Variants in PIK3AP1 observed in about 807,000 individuals in gnomAD.
The protein encoded by PIK3AP1 is phosphoinositide-3-kinase adaptor protein 1.
Under a neutral mutation model 88.1 loss-of-function variants are expected in PIK3AP1, and 21 were observed. The observed-to-expected ratio is 0.24, with a 90% CI of 0.17 to 0.34. The LOEUF is 0.34. PIK3AP1 is among the 10% of genes least tolerant of loss of function. PIK3AP1 has a pLI of 1.00. For missense variants in PIK3AP1, 828 were observed against 1,035.7 expected, an observed-to-expected ratio of 0.80 and a Z score of 2.75; for synonymous variants, 398 against 400.0, an observed-to-expected ratio of 1.00 and a Z score of 0.06.
At chr10:96,638,802 T>C (rs1043727880) in intron 8 of PIK3AP1, among the ~76,000 whole-genome samples, 3 of 152,246 alleles carry the variant, frequency 2.0e-5, no homozygotes, top group African/African-American at 7.2e-5. Flanking sequence ...TTTGTGGTTA[T>C]ATATTCAGTT....
At chr10:96,710,742 G>A (rs1844428412) in intron 1 of PIK3AP1, among the ~76,000 whole-genome samples, 2 of 152,174 alleles carry the variant, frequency 1.3e-5, no homozygotes, top group African/African-American at 4.8e-5. Context: ...TTAGAAGGTA[G>A]GTACTATTAT....
intron 1 of PIK3AP1, among the ~76,000 whole-genome samples, chr10:96,715,564 T>G (rs1207708351): frequency 6.6e-6 from 1 of 152,194 alleles, no homozygotes; most frequent in African/African-American, 2.4e-5. Flanking sequence ...TTTCTGGAAA[T>G]CTAAAATTGT....
At chr10:96,694,936 C>T (rs1844201608) in intron 2 of PIK3AP1, among the ~76,000 whole-genome samples, 1 of 152,156 alleles carries the variant, frequency 6.6e-6, no homozygotes, top group Non-Finnish European at 1.5e-5. Flanking sequence ...GTTTTAATCA[C>T]ATGCATGCCC....
intron 8 of PIK3AP1, among the ~76,000 whole-genome samples, chr10:96,639,706 C>T (rs1437983964): frequency 6.6e-6 from 1 of 152,192 alleles, no homozygotes; most frequent in African/African-American, 2.4e-5. Flanking sequence ...GGCCCACGGG[C>T]CTTGAAGCAT....
At chr10:96,610,916 A>G (rs575601592) in intron 13 of PIK3AP1, among the ~76,000 whole-genome samples, 1 of 152,284 alleles carries the variant, frequency 6.6e-6, no homozygotes, top group South Asian at 2.1e-4. Flanking sequence ...AGCGGTGGCT[A>G]TACAAACTTG....
chr10:96,628,926 A>C (rs1362473141), intron 8 of PIK3AP1, among the ~76,000 whole-genome samples: 1 of 133,870 alleles, frequency 7.5e-6, no homozygotes, highest in African/African-American at 2.8e-5. Context: ...ATATATATAT[A>C]TATGGCAAGG....
intron 2 of PIK3AP1, among the ~76,000 whole-genome samples, chr10:96,701,347 C>T (rs1474421577): frequency 6.6e-6 from 1 of 152,154 alleles, no homozygotes; most frequent in African/African-American, 2.4e-5. Context: ...CAAGTGTAAG[C>T]TTTCTAGGCC....
intron 14 of PIK3AP1, among the ~76,000 whole-genome samples, chr10:96,604,536 T>C (rs1372312404): frequency 6.6e-6 from 1 of 152,072 alleles, no homozygotes; most frequent in Non-Finnish European, 1.5e-5. Context: ...TCTTTCAGCA[T>C]GAAACAAAAT....
At chr10:96,688,074 C>T (rs1348619637) in intron 2 of PIK3AP1, among the ~76,000 whole-genome samples, 3 of 152,146 alleles carry the variant, frequency 2.0e-5, no homozygotes, top group Non-Finnish European at 4.4e-5. Context: ...TTCTCTTCAA[C>T]GTTATGTTTA....
chr10:96,630,795 T>A (rs1211705024), intron 8 of PIK3AP1, among the ~76,000 whole-genome samples: 3 of 151,878 alleles, frequency 2.0e-5, no homozygotes, highest in Admixed American at 6.6e-5. Flanking sequence ...TGAGTTAGGA[T>A]CACGCCACCG....
chr10:96,649,732 C>T (rs1843511198), intron 6 of PIK3AP1, among the ~76,000 whole-genome samples: 1 of 152,144 alleles, frequency 6.6e-6, no homozygotes, highest in South Asian at 2.1e-4. Context: ...CAGCAGGGTT[C>T]CTATTTAGGA....
intron 2 of PIK3AP1, among the ~76,000 whole-genome samples, chr10:96,680,306 T>G (rs545518884): frequency 2.5e-4 from 37 of 147,772 alleles, no homozygotes; most frequent in Non-Finnish European, 4.6e-4. Flanking sequence ...TACTATTGAT[T>G]TTTTTTTTTT....
intron 2 of PIK3AP1, among the ~76,000 whole-genome samples, chr10:96,678,016 T>G (rs1843948808): frequency 2.6e-5 from 4 of 152,026 alleles, no homozygotes; most frequent in African/African-American, 7.3e-5. Context: ...AAAACTGGAG[T>G]GTAGTGGTGT....
At chr10:96,630,932 T>C (rs1438320690) in intron 8 of PIK3AP1, among the ~76,000 whole-genome samples, 1 of 152,214 alleles carries the variant, frequency 6.6e-6, no homozygotes, top group Non-Finnish European at 1.5e-5. Flanking sequence ...ACCAAGACTC[T>C]GTACTGCCTT....
intron 2 of PIK3AP1, among the ~76,000 whole-genome samples, chr10:96,658,554 AGC>A (rs1269715831): frequency 6.6e-6 from 1 of 152,184 alleles, no homozygotes; most frequent in East Asian, 1.9e-4. Context: ...TACTCAGGCC[AGC>A]AGAGGGGCCG....
chr10:96,664,591 A>C (rs1234644083), intron 2 of PIK3AP1, among the ~76,000 whole-genome samples: 1 of 152,198 alleles, frequency 6.6e-6, no homozygotes, highest in African/African-American at 2.4e-5. Context: ...ATTAGCTAAT[A>C]ATTTTGCCCA....
rs747936975 is a variant in PIK3AP1 at position 96,648,778 on chromosome 10, G to A, written c.1066C>T (p.Leu356Phe). Reference protein sequence around the residue: ...YGLKNLTALLLTCPGALQAYS... With the variant: ...YGLKNLTALLFTCPGALQAYS... ...GCCTGCAGGGCTCCTGGGCAGGTGA[G>A]CAACAAGGCAGTGAGGTTCTTCAGT... The change falls in exon 7 of 17, where the codon CTC (leucine) becomes TTC (phenylalanine). Residue 356 changes from leucine (L) to phenylalanine (F), a missense_variant. Around this residue, in one of 3 missense-constraint regions of PIK3AP1, gnomAD observed 610 missense variants for 760.1 expected, o/e 0.80. Coordinates refer to ENST00000339364, the MANE Select transcript of PIK3AP1 (RefSeq NM_152309.3). 1 of 1,609,706 alleles carries A rather than the reference G, an allele frequency of 6.2e-7. No individual in the cohort carries two copies. The highest frequency in any genetic ancestry group is 8.5e-7 in the Non-Finnish European group (1 of 1,178,348).
At chr10:96,643,833 G>T (rs1843423611) in intron 8 of PIK3AP1, among the ~76,000 whole-genome samples, 1 of 152,216 alleles carries the variant, frequency 6.6e-6, no homozygotes, top group African/African-American at 2.4e-5. Flanking sequence ...TTTTCAGGCT[G>T]AAGGCTTGTA....
intron 13 of PIK3AP1, among the ~76,000 whole-genome samples, chr10:96,615,537 T>C (rs1179687251): frequency 6.6e-6 from 1 of 152,092 alleles, no homozygotes; most frequent in Non-Finnish European, 1.5e-5. Flanking sequence ...TGTGGACTGC[T>C]GATGGCTTGG....
Sources: allele counts gnomAD v4.1 joint callset (sites outside exome capture counted in the v4.1 genomes callset), GRCh38; gene constraint gnomAD v4.1.1; regional missense constraint gnomAD v4.1.1; transcripts MANE v1.5; gene names NCBI Gene and HGNC (gene_info 2026-07-23, HGNC 2026-07-21).